Variants in CPNE4 observed in about 807,000 individuals in gnomAD.
CPNE4 encodes copine 4.
In CPNE4, 25 loss-of-function variants were observed where a neutral mutation model predicts 67.9. The ratio of observed to expected loss-of-function variants is 0.37; its 90% confidence interval spans 0.27 to 0.51. CPNE4 has a LOEUF of 0.51. Ranked by LOEUF, CPNE4 falls within the 20% of genes least tolerant of loss-of-function variation. CPNE4 has a pLI of 0.93. For synonymous variants in CPNE4, 242 were observed against 244.9 expected (o/e 0.99, Z 0.11); for missense variants, 464 against 690.8 (o/e 0.67, Z 3.68).
At chr3:131,545,802 G>A (rs1218479379) in intron 14 of CPNE4, among the ~76,000 whole-genome samples, 2 of 152,222 alleles carry the variant, frequency 1.3e-5, no homozygotes, top group East Asian at 1.9e-4. Context: ...AGTGGCTCAC[G>A]CCTGTAATCC....
chr3:131,640,359 C>T (rs1178269282), intron 7 of CPNE4, among the ~76,000 whole-genome samples: 2 of 152,196 alleles, frequency 1.3e-5, no homozygotes, highest in East Asian at 1.9e-4. Context: ...CTGCTATACA[C>T]CAGCAGTGAC....
At chr3:131,823,143 C>G (rs551765064) in intron 2 of CPNE4, among the ~76,000 whole-genome samples, 1 of 152,086 alleles carries the variant, frequency 6.6e-6, no homozygotes, top group Non-Finnish European at 1.5e-5. Context: ...CCGGTCTGTA[C>G]ACTTAACTTC....
chr3:131,929,652 G>T, intron 1 of CPNE4, among the ~76,000 whole-genome samples: 1 of 152,012 alleles, frequency 6.6e-6, no homozygotes. Context: ...CTGTTCTTTC[G>T]CACATTCTCC....
At chr3:131,655,779 C>A (rs1455530119) in intron 7 of CPNE4, among the ~76,000 whole-genome samples, 1 of 152,116 alleles carries the variant, frequency 6.6e-6, no homozygotes, top group African/African-American at 2.4e-5. Context: ...TCACCCACCC[C>A]ACATCCCTCT....
intron 7 of CPNE4, among the ~76,000 whole-genome samples, chr3:131,597,741 G>C (rs1938971015): frequency 6.6e-6 from 1 of 152,094 alleles, no homozygotes. Context: ...TGGCTCCTTA[G>C]TCATACCATG....
intron 2 of CPNE4, among the ~76,000 whole-genome samples, chr3:131,848,703 C>G (rs911095673): frequency 6.6e-6 from 1 of 151,426 alleles, no homozygotes; most frequent in African/African-American, 2.4e-5. Flanking sequence ...TGCGCTCAAC[C>G]CCAATTTGGT....
At chr3:131,722,825 C>G (rs1396570325) in intron 3 of CPNE4, among the ~76,000 whole-genome samples, 1 of 152,204 alleles carries the variant, frequency 6.6e-6, no homozygotes, top group African/African-American at 2.4e-5. Flanking sequence ...AGTTTAGAGT[C>G]AGGAAGACCT....
intron 2 of CPNE4, among the ~76,000 whole-genome samples, chr3:131,857,854 C>G (rs114590784): frequency 6.6e-6 from 1 of 151,874 alleles, no homozygotes; most frequent in Non-Finnish European, 1.5e-5. Flanking sequence ...TTTCTCCTAA[C>G]AACATAGCAA....
chr3:131,603,313 C>T lies in CPNE4; in HGVS notation c.682-15731G>A, dbSNP rs1053220309. On this transcript the variant is annotated intron_variant, in intron 7 of 15. Coordinates refer to ENST00000429747, the MANE Select transcript of CPNE4 (RefSeq NM_130808.3). ...TAGATGGACTAATCTCTATATAAAT[C>T]TTACAGTCTAGTGGTAAAAATAGAC... is the stretch of plus-strand genomic sequence containing the variant. Among the ~76,000 whole-genome samples, 7 of 152,088 alleles carry T rather than the reference C, an allele frequency of 4.6e-5. 1 individual carries two copies. Among genetic ancestry groups the T allele is most frequent in the Non-Finnish European group, 1.0e-4 (7 of 68,012 alleles).
intron 1 of CPNE4, among the ~76,000 whole-genome samples, chr3:132,005,735 T>C (rs2073583032): frequency 6.6e-6 from 1 of 151,618 alleles, no homozygotes; most frequent in Non-Finnish European, 1.5e-5. Context: ...GGAACCTACG[T>C]ATAAAAAAGA....
upstream of CPNE4, among the ~76,000 whole-genome samples, chr3:132,038,481 A>G (rs1001939477): frequency 6.6e-6 from 1 of 152,200 alleles, no homozygotes; most frequent in African/African-American, 2.4e-5. Context: ...TTTAAAAACC[A>G]TAGGCAGAGG....
At chr3:131,617,396 C>T (rs2107752677) in intron 7 of CPNE4, among the ~76,000 whole-genome samples, 1 of 152,286 alleles carries the variant, frequency 6.6e-6, no homozygotes, top group Middle Eastern at 3.4e-3. Context: ...ACATCCCTTT[C>T]TTATTTGATC....
intron 3 of CPNE4, among the ~76,000 whole-genome samples, chr3:131,722,831 G>A (rs2081921715): frequency 6.6e-6 from 1 of 152,202 alleles, no homozygotes; most frequent in Non-Finnish European, 1.5e-5. Flanking sequence ...GAGTCAGGAA[G>A]ACCTAGTAGA....
intron 2 of CPNE4, among the ~76,000 whole-genome samples, chr3:131,724,877 T>C (rs181598321): frequency 2.2e-4 from 33 of 152,336 alleles, no homozygotes; most frequent in African/African-American, 7.0e-4. Flanking sequence ...CTAAGGCTCT[T>C]TTCCTACATA....
intron 7 of CPNE4, among the ~76,000 whole-genome samples, chr3:131,604,795 T>C (rs891497226): frequency 6.6e-6 from 1 of 152,104 alleles, no homozygotes; most frequent in Admixed American, 6.5e-5. Context: ...CTATTAGTTC[T>C]GTCCCTCTAG....
chr3:131,912,723 G>A (rs2089027443), intron 1 of CPNE4, among the ~76,000 whole-genome samples: 1 of 152,140 alleles, frequency 6.6e-6, no homozygotes. Context: ...AAGAGATGGA[G>A]GCATAAATGA....
At chr3:131,620,774 G>A (rs1940422145) in intron 7 of CPNE4, among the ~76,000 whole-genome samples, 1 of 152,112 alleles carries the variant, frequency 6.6e-6, no homozygotes, top group Non-Finnish European at 1.5e-5. Flanking sequence ...AAGAAACGCA[G>A]GTAGCCTCTA....
At chr3:131,898,770 G>A (rs56067254) in intron 2 of CPNE4, among the ~76,000 whole-genome samples, 4 of 151,938 alleles carry the variant, frequency 2.6e-5, no homozygotes, top group African/African-American at 9.7e-5. Flanking sequence ...ATTTGATTTT[G>A]TTTTCTTTTA....
At chr3:131,657,699 TA>T (rs2080011916) in intron 7 of CPNE4, among the ~76,000 whole-genome samples, 1 of 104,630 alleles carries the variant, frequency 9.6e-6, no homozygotes, top group Non-Finnish European at 2.0e-5. Flanking sequence ...CACGTCCAGC[TA>T]ATTTTGTGTG....
Sources: allele counts gnomAD v4.1 joint callset (sites outside exome capture counted in the v4.1 genomes callset), GRCh38; gene constraint gnomAD v4.1.1; transcripts MANE v1.5; gene names NCBI Gene and HGNC (gene_info 2026-07-23, HGNC 2026-07-21).